The following STARD9 variants were observed in gnomAD, a reference collection of about 807,000 sequenced individuals.
STARD9 encodes the protein stAR-related lipid transfer protein 9.
A neutral mutation model predicts 399.8 loss-of-function variants in STARD9; 346 were observed. That is an observed-to-expected ratio of 0.87 (90% CI 0.79 to 0.95). The LOEUF (loss-of-function observed/expected upper bound fraction) is 0.95. Ranked by LOEUF, STARD9 falls within the 40% of genes least tolerant of loss-of-function variation. The pLI, the probability that STARD9 is intolerant of heterozygous loss-of-function variation, is 0.00. For synonymous variants in STARD9, 2,203 were observed against 2,143.5 expected (o/e 1.03, Z -0.77); for missense variants, 5,832 against 5,667.5 (o/e 1.03, Z -0.93).
chr15:42,651,097 GTT>G lies in STARD9; in HGVS notation c.629+14_629+15del, dbSNP rs1566904530. The G allele has an allele frequency of 6.6e-7, 1 of 1,521,184 alleles. No individual in the cohort carries two copies. 94.2% of individuals were successfully genotyped at this position (1,521,184 alleles called of 1,614,324 possible). A position where few individuals can be genotyped will look rare whatever the true frequency, so the allele number is the denominator to read the frequency against. On this transcript the variant is annotated intron_variant, in intron 8 of 32. Transcript: ENST00000290607. ...GGAATTGCAAACAGGTAACAGGTTT[GTT>G]TGTTTCTGTCATTCTTTTATCCTCA...
In STARD9 at chr15:42,634,985, A is replaced by G. The variant is rs1451838277; in HGVS notation, c.351+13A>G. ...GCTGGGGACCCCAGTGAGTATTACA[A>G]TGATATATATTCCTAATGCCACAGC... On this transcript the variant is annotated intron_variant, in intron 4 of 32. Coordinates refer to ENST00000290607, the MANE Select transcript of STARD9 (RefSeq NM_020759.3). The G allele has an allele frequency of 1.3e-5, 18 of 1,412,252 alleles. No homozygotes were observed. The highest frequency in any genetic ancestry group is 2.8e-5 in the African/African-American group (2 of 70,436). 87.5% of individuals were successfully genotyped at this position (1,412,252 alleles called of 1,614,324 possible).
chr15:42,656,220 T>C (rs1401644292), intron 9 of STARD9, among the ~76,000 whole-genome samples: 1 of 150,130 alleles, frequency 6.7e-6, no homozygotes, highest in Non-Finnish European at 1.5e-5. Context: ...GCTGTTGCGC[T>C]CCTGTAGTCC....
intron 1 of STARD9, among the ~76,000 whole-genome samples, chr15:42,579,959 C>T (rs976251809): frequency 1.3e-5 from 2 of 152,156 alleles, no homozygotes; most frequent in African/African-American, 4.8e-5. Flanking sequence ...TGTGGACCTG[C>T]TCTAGGAGCA....
intron 7 of STARD9, among the ~76,000 whole-genome samples, chr15:42,641,420 G>A (rs377357563): frequency 5.3e-5 from 8 of 151,904 alleles, no homozygotes; most frequent in African/African-American, 1.9e-4. Flanking sequence ...CAATGTGCAG[G>A]GTTGTTACAT....
chr15:42,589,166 T>C (rs1266518446), intron 3 of STARD9, among the ~76,000 whole-genome samples: 1 of 152,164 alleles, frequency 6.6e-6, no homozygotes, highest in Non-Finnish European at 1.5e-5. Flanking sequence ...TCTATTGAAG[T>C]ATAATTTAGA....
At chr15:42,695,367 C>A in intron 25 of STARD9, 44 bp downstream of exon 25, 1 of 1,474,634 alleles carries the variant, frequency 6.8e-7, no homozygotes. Context: ...AGGCCTGGAC[C>A]TCAGACTGGT....
In STARD9 at chr15:42,623,519, A is replaced by G. The variant is rs142703729; in HGVS notation, c.235-11337A>G. Among the ~76,000 whole-genome samples the G allele has an allele frequency of 4.2e-3, 635 of 152,292 alleles. 3 individuals carry two copies. The highest frequency in any genetic ancestry group is 6.9e-3 in the Non-Finnish European group (466 of 68,024). On this transcript the variant is annotated intron_variant, in intron 3 of 32. Transcript: ENST00000290607. ...TGTGTGGTGCTGGGTTCCTGTTAGGAACTCAATAAATACTTTCTTCCAAGA... is the reference window on the plus strand; with the variant it reads ...TGTGTGGTGCTGGGTTCCTGTTAGGGACTCAATAAATACTTTCTTCCAAGA...
At chr15:42,704,634 C>A (rs1216724786) in intron 26 of STARD9, among the ~76,000 whole-genome samples, 4 of 152,148 alleles carry the variant, frequency 2.6e-5, no homozygotes, top group African/African-American at 9.7e-5. Context: ...CTCCAATGTC[C>A]CTGGCCCCGA....
chr15:42,699,392 C>CTTTTCTTTTTTTTTTTTTTTTTTT (rs1359323091), intron 26 of STARD9, among the ~76,000 whole-genome samples: 2 of 113,280 alleles, frequency 1.8e-5, no homozygotes, highest in African/African-American at 8.2e-5. Flanking sequence ...TTTTTCTTTT[C>CTTTTCTTTTTTTTTTTTTTTTTTT]TTTTTTTTTT....
Position 42,575,707 on chromosome 15 carries a change from G to T in STARD9, c.-9G>T. The T allele has an allele frequency of 6.5e-7, 1 of 1,536,582 alleles. No homozygotes were observed. The highest frequency in any genetic ancestry group is 8.7e-7 in the Non-Finnish European group (1 of 1,146,790). On this transcript the variant is annotated 5_prime_UTR_variant, in exon 1 of 33. Transcript: ENST00000290607. Reference sequence around the variant, plus strand: ...AGCTGACCCGCTGGACTTGGGTTGTGGCAGACGGATGGCGAACGTGCAGGT... The same window carrying T: ...AGCTGACCCGCTGGACTTGGGTTGTTGCAGACGGATGGCGAACGTGCAGGT...
intron 4 of STARD9, among the ~76,000 whole-genome samples, chr15:42,635,396 T>G (rs2059400509): frequency 6.6e-6 from 1 of 151,776 alleles, no homozygotes; most frequent in East Asian, 1.9e-4. Flanking sequence ...GTGGCGCAAT[T>G]TCAGTTCACT....
intron 3 of STARD9, among the ~76,000 whole-genome samples, chr15:42,619,607 C>T (rs1204288552): frequency 6.6e-6 from 1 of 151,822 alleles, no homozygotes; most frequent in Admixed American, 6.6e-5. Context: ...CTCGCAGGCA[C>T]CTGTGCAGTT....
At chr15:42,695,559 A>G (rs1015000994) in intron 25 of STARD9, among the ~76,000 whole-genome samples, 184 bp from the exon 26 acceptor site, 2 of 152,192 alleles carry the variant, frequency 1.3e-5, no homozygotes, top group Non-Finnish European at 2.9e-5. Context: ...GGTGTGGGGA[A>G]ATACGAGCAG....
chr15:42,623,621 G>A (rs1232255988), intron 3 of STARD9, among the ~76,000 whole-genome samples: 5 of 152,258 alleles, frequency 3.3e-5, no homozygotes, highest in South Asian at 2.1e-4. Flanking sequence ...CTTTCTTTCC[G>A]TTGGGTATGG....
intron 3 of STARD9, among the ~76,000 whole-genome samples, chr15:42,626,285 C>CCTCCCCT (rs1382550083): frequency 7.3e-6 from 1 of 136,784 alleles, no homozygotes. Flanking sequence ...CCTCTTCCTC[C>CCTCCCCT]TCTTCCTCTT....
At chr15:42,710,950 C>T (rs951369591) in intron 26 of STARD9, among the ~76,000 whole-genome samples, 6 of 151,314 alleles carry the variant, frequency 4.0e-5, no homozygotes, top group African/African-American at 1.5e-4. Flanking sequence ...TGTTTGTCCC[C>T]GTGTTTTCAC....
intron 3 of STARD9, among the ~76,000 whole-genome samples, chr15:42,620,278 A>G (rs139301727): frequency 6.6e-6 from 1 of 151,960 alleles, no homozygotes; most frequent in East Asian, 1.9e-4. Context: ...AGCAGCAGTT[A>G]TAAGTAGATT....
At position 42,652,604 on chromosome 15, in the gene STARD9, C is replaced by A; in HGVS notation, c.702+12C>A. The A allele has an allele frequency of 6.5e-7, 1 of 1,535,976 alleles. No homozygotes were observed. The highest frequency in any genetic ancestry group is 8.7e-7 in the Non-Finnish European group (1 of 1,145,612). On this transcript the variant is annotated intron_variant, in intron 9 of 32. Transcript: ENST00000290607. ...TCCACTACACGCAGGTTGGTAACTC[C>A]TTATGTTTGGTGAGATTTCTTCCTC...
chr15:42,692,002 C>T lies in STARD9; in HGVS notation c.10424C>T (p.Pro3475Leu), dbSNP rs761084900. The T allele has an allele frequency of 5.1e-5, 79 of 1,537,066 alleles. 1 individual carries two copies. Among genetic ancestry groups the T allele is most frequent in the Admixed American group, 4.9e-4 (25 of 50,970 alleles). The part of the protein sequence containing the change: ...DISPYALPWR[P>L]EEPARISWKQ... ...AGTCCCTATGCGCTGCCGTGGCGTC[C>T]GGAGGAGCCTGCACGTATCAGCTGG... Residue 3475 changes from proline to leucine, a missense_variant, in exon 23 of 33, where the codon CCG (proline) becomes CTG (leucine). Physicochemically the swap from Pro to Leu is moderately conservative, Grantham distance 98. Coordinates refer to ENST00000290607, the MANE Select transcript of STARD9 (RefSeq NM_020759.3).
Sources: allele counts gnomAD v4.1 joint callset (sites outside exome capture counted in the v4.1 genomes callset), GRCh38; gene constraint gnomAD v4.1.1; transcripts MANE v1.5; gene names NCBI Gene and HGNC (gene_info 2026-07-23, HGNC 2026-07-21).